Variants in ACTN2 observed in about 807,000 individuals in gnomAD.
ACTN2 encodes actinin alpha 2.
In ACTN2, 39 loss-of-function variants were observed where a neutral mutation model predicts 113.8. That is an observed-to-expected ratio of 0.34 (90% CI 0.27 to 0.45). The LOEUF (loss-of-function observed/expected upper bound fraction) is 0.45. ACTN2 is among the 20% of genes least tolerant of loss of function. The pLI, the probability that ACTN2 is intolerant of heterozygous loss-of-function variation, is 1.00. For missense variants in ACTN2, 992 were observed against 1,177.9 expected (o/e 0.84, Z 2.31); for synonymous variants, 429 against 444.1 (o/e 0.97, Z 0.43).
At chr1:236,741,986 C>G (rs11800168) in intron 10 of ACTN2, among the ~76,000 whole-genome samples, 2,526 of 152,292 alleles carry the variant, frequency 0.017, 66 homozygotes, top group African/African-American at 0.058. Context: ...CCTTCCCGCA[C>G]GCACAGCACA....
chr1:236,747,982 A>G (rs1159915841), intron 13 of ACTN2: 2 of 548,128 alleles, frequency 3.6e-6, no homozygotes, highest in African/African-American at 1.9e-5. Context: ...GCAGCGAAGT[A>G]TATTTTTCAA....
At position 236,713,403 on chromosome 1, in the gene ACTN2, T is replaced by G. The variant is rs60998573; in HGVS notation, c.127-4455T>G. On this transcript the variant is annotated intron_variant, in intron 1 of 20. Coordinates refer to ENST00000366578, the MANE Select transcript of ACTN2 (RefSeq NM_001103.4). ...TCACCATGTACAACTAGTCTTGTAT[T>G]TTTTGTAGAGACAGGGTTTCTCCGT... Among the ~76,000 whole-genome samples, 1,188 of 152,212 alleles carry G rather than the reference T, an allele frequency of 7.8e-3. 10 individuals are homozygous for G. The highest frequency in any genetic ancestry group is 0.023 in the African/African-American group (935 of 41,532).
At chr1:236,734,355 A>G in intron 7 of ACTN2, 7 of 1,016,616 alleles carry the variant, frequency 6.9e-6, no homozygotes, top group Middle Eastern at 2.1e-4. Context: ...CCTGATTCCA[A>G]CACCTCTGAG....
At chr1:236,734,933 A>G (rs1456417469) in intron 7 of ACTN2, among the ~76,000 whole-genome samples, 2 of 152,228 alleles carry the variant, frequency 1.3e-5, no homozygotes, top group Non-Finnish European at 2.9e-5. Context: ...GTAGGTTTTC[A>G]TGGTTCTGTT....
At chr1:236,699,028 A>G (rs1167980136) in intron 1 of ACTN2, among the ~76,000 whole-genome samples, 1 of 152,194 alleles carries the variant, frequency 6.6e-6, no homozygotes, top group African/African-American at 2.4e-5. Context: ...TATAATTGAA[A>G]TTTTATAAAT....
At chr1:236,688,239 A>T (rs1421416981) in intron 1 of ACTN2, among the ~76,000 whole-genome samples, 11 of 151,378 alleles carry the variant, frequency 7.3e-5, no homozygotes, top group Non-Finnish European at 7.4e-5. Flanking sequence ...TTCATGGATT[A>T]AAAAAAAAGA....
At chr1:236,721,043 T>TTTTTTTA in intron 4 of ACTN2, among the ~76,000 whole-genome samples, 1 of 131,910 alleles carries the variant, frequency 7.6e-6, no homozygotes, top group Non-Finnish European at 1.6e-5. Context: ...TTTTTTTTTT[T>TTTTTTTA]TTGAGACGGA....
At chr1:236,715,169 T>A (rs191057133) in intron 1 of ACTN2, among the ~76,000 whole-genome samples, 3,444 of 143,312 alleles carry the variant, frequency 0.024, 96 homozygotes, top group African/African-American at 0.073. Flanking sequence ...TTTTTTTTTT[T>A]ATTCTACTTT....
chr1:236,729,688 A>C (rs979769178), intron 6 of ACTN2, among the ~76,000 whole-genome samples: 2 of 152,186 alleles, frequency 1.3e-5, no homozygotes, highest in Non-Finnish European at 2.9e-5. Flanking sequence ...TGAAAACGGA[A>C]CTTTTTCCCA....
chr1:236,734,284 C>A, intron 7 of ACTN2: 1 of 537,846 alleles, frequency 1.9e-6, no homozygotes, highest in Non-Finnish European at 3.2e-6. Context: ...GCAGGTGTGA[C>A]TTCTTTGATT....
rs533267299 is a variant in ACTN2, at chr1:236,762,503, G to C, written c.2569G>C (p.Asp857His). The change falls in exon 21 of 21, where the codon GAT becomes CAT. Residue 857 changes from aspartate (D) to histidine (H), a missense_variant. By Grantham distance (81) the Asp-to-His change is moderately conservative (BLOSUM62 -1). This residue lies in a region of ACTN2 where 736 missense variants were observed against 815.4 expected (regional missense o/e 0.90). Transcript: ENST00000366578. ...GGAGCTGCGTCGGGAGCTGCCCCCG[G>C]ATCAGGCCCAGTACTGCATCAAGAG... Reference protein sequence around the residue: ...AEELRRELPPDQAQYCIKRMP... With the variant: ...AEELRRELPPHQAQYCIKRMP... 51 of 1,614,034 alleles carry C rather than the reference G, an allele frequency of 3.2e-5. No individual in the cohort carries two copies. Among genetic ancestry groups the C allele is most frequent in the Non-Finnish European group, 4.2e-5 (49 of 1,180,014 alleles).
intron 1 of ACTN2, among the ~76,000 whole-genome samples, chr1:236,702,264 A>G (rs1657699784): frequency 6.6e-6 from 1 of 152,206 alleles, no homozygotes; most frequent in South Asian, 2.1e-4. Flanking sequence ...AAGTAAAGCT[A>G]GCCGACATCA....
rs1659007095 is a variant in ACTN2, at chr1:236,739,597, T to C, written c.1107+65T>C. 3.2e-6 allele frequency: 5 copies of C among 1,570,220 alleles called. No individual in the cohort carries two copies. In the South Asian group the frequency reaches 3.4e-5, roughly 11 times the overall value. On this transcript the variant is annotated intron_variant, in intron 10 of 20. Transcript: ENST00000366578. The stretch of plus-strand genomic sequence containing the variant: ...GCCCTCCTTCTAGCCTAAAGGCGTT[T>C]GACCTGGGTCAGGAGGAGGCATTGA...
intron 5 of ACTN2, among the ~76,000 whole-genome samples, chr1:236,727,099 C>T (rs949344460): frequency 6.6e-5 from 10 of 152,068 alleles, no homozygotes; most frequent in African/African-American, 9.7e-5. Flanking sequence ...CTGGTGTCTA[C>T]GGCGGAACAG....
At chr1:236,745,774 C>T (rs948902589) in intron 12 of ACTN2, among the ~76,000 whole-genome samples, 5 of 152,160 alleles carry the variant, frequency 3.3e-5, no homozygotes, top group Non-Finnish European at 5.9e-5. Context: ...CCATTATAAT[C>T]ACTGATACAT....
chr1:236,695,212 C>CA (rs375917124), intron 1 of ACTN2, among the ~76,000 whole-genome samples: 88,498 of 129,848 alleles, frequency 0.68, 29,638 homozygotes, highest in East Asian at 0.76. Context: ...ACTAAAAATA[C>CA]AAAAAAAAAA....
intron 1 of ACTN2, among the ~76,000 whole-genome samples, chr1:236,699,627 A>G (rs1405203850): frequency 6.6e-6 from 1 of 152,188 alleles, no homozygotes; most frequent in African/African-American, 2.4e-5. Context: ...TTATCCTCCT[A>G]CGGGTGCCGT....
intron 6 of ACTN2, among the ~76,000 whole-genome samples, chr1:236,730,072 G>C (rs1377654825): frequency 1.3e-5 from 2 of 152,196 alleles, no homozygotes; most frequent in East Asian, 3.8e-4. Flanking sequence ...ACCCTGTAAA[G>C]TAGGTACTAT....
rs727505174 is a variant in ACTN2 at position 236,759,721 on chromosome 1, C to T, written c.2302-3C>T. The stretch of plus-strand genomic sequence containing the variant: ...CTGCTCTGTCCTTTGTTTTTGCCAA[C>T]AGAGGAAGAATGGCCTGATGGATCA... On this transcript the variant is annotated splice_polypyrimidine_tract_variant and splice_region_variant and intron_variant, in intron 18 of 20. Transcript: ENST00000366578. 2 of 1,614,010 alleles carry T rather than the reference C, an allele frequency of 1.2e-6. No individual in the cohort carries two copies. The highest frequency in any genetic ancestry group is 2.2e-5 in the East Asian group (1 of 44,868).
Sources: gnomAD v4.1 joint callset for allele counts (sites outside exome capture counted in the v4.1 genomes callset) on GRCh38, gnomAD v4.1.1 for gene constraint, gnomAD v4.1.1 regional missense constraint, MANE v1.5 for transcripts, NCBI Gene and HGNC (gene_info 2026-07-23, HGNC 2026-07-21) for gene names.